Variants in RC3H2 observed in about 807,000 individuals in gnomAD.
RC3H2 encodes the protein roquin-2.
A neutral mutation model predicts 133.3 loss-of-function variants in RC3H2; 31 were observed. The observed-to-expected ratio is 0.23, with a 90% CI of 0.17 to 0.31. The LOEUF is 0.31. RC3H2 is among the 10% of genes least tolerant of loss of function. RC3H2 has a pLI of 1.00. For synonymous variants in RC3H2, 517 were observed against 502.2 expected (o/e 1.03, Z -0.40); for missense variants, 1,175 against 1,437.2 (o/e 0.82, Z 2.95).
chr9:122,855,948 A>C (rs1380962160), intron 13 of RC3H2, 70 bp from the exon 14 acceptor site: 2 of 1,277,088 alleles, frequency 1.6e-6, no homozygotes, highest in African/African-American at 1.5e-5. Flanking sequence ...ACTAATATAA[A>C]GTAACTATTA....
rs1285124955 is a variant in RC3H2 at position 122,846,795 on chromosome 9, T to A, written c.*2832A>T. The A allele has an allele frequency of 6.6e-6, 1 of 152,156 alleles. No individual in the cohort carries two copies. Among genetic ancestry groups the A allele is most frequent in the Non-Finnish European group, 1.5e-5 (1 of 68,006 alleles). 9.4% of individuals were successfully genotyped at this position (152,156 alleles called of 1,614,324 possible). On this transcript the variant is annotated 3_prime_UTR_variant, in exon 21 of 21. Coordinates refer to ENST00000357244, the MANE Select transcript of RC3H2 (RefSeq NM_001100588.3). ...CAAATGACGGGAAATGCCTCAATTT[T>A]AAAAAGTCATATCCTAGGTCTGATT...
Position 122,867,414 on chromosome 9 carries a change from G to A in RC3H2, c.1326-1757C>T, listed in dbSNP as rs1228105262. ...CTCCGTCCGGGAGGGAGGTTGGGGG[G>A]TCAGCACCCCGCCCGGCCAGCCACC... On this transcript the variant is annotated intron_variant, in intron 9 of 20. Coordinates refer to ENST00000357244, the MANE Select transcript of RC3H2 (RefSeq NM_001100588.3). 4.7e-4 allele frequency among the ~76,000 whole-genome samples: 68 copies of A among 144,852 alleles called. No individual in the cohort carries two copies. The East Asian group carries it at 0.012, about 25-fold the overall frequency.
rs1564322863 is a variant in RC3H2 at position 122,899,090 on chromosome 9, G to GGTTTTTTTTTTTTTT, written c.-67-1515_-67-1514insAAAAAAAAAAAAAAC. ...AAAAAATTCTATTAGCCTTTATTGT[G>GGTTTTTTTTTTTTTT]TTTTTTTTTTTTTTTTTTTTTTTTT... On this transcript the variant is annotated intron_variant, in intron 1 of 20. Coordinates refer to ENST00000357244, the MANE Select transcript of RC3H2 (RefSeq NM_001100588.3). Among the ~76,000 whole-genome samples, 6 of 88,410 alleles carry GGTTTTTTTTTTTTTT rather than the reference G, an allele frequency of 6.8e-5. 3 individuals are homozygous for GGTTTTTTTTTTTTTT. Among genetic ancestry groups the GGTTTTTTTTTTTTTT allele is most frequent in the African/African-American group, 9.6e-5 (2 of 20,762 alleles). 58.0% of individuals were successfully genotyped at this position (88,410 alleles called of 152,430 possible). A position where few individuals can be genotyped will look rare whatever the true frequency, so the allele number is the denominator to read the frequency against.
In RC3H2 at chr9:122,893,151, C is replaced by T. The variant is rs111683415; in HGVS notation, c.232-125G>A. 4.7e-6 allele frequency: 6 copies of T among 1,268,336 alleles called. No homozygotes were observed. The African/African-American group carries it at 7.5e-5, about 16-fold the overall frequency. The allele number at this position is 1,268,336 out of a possible 1,614,324, so 78.6% of individuals were successfully genotyped here. A position where few individuals can be genotyped will look rare whatever the true frequency, so the allele number is the denominator to read the frequency against. ...ATCATGCATAGATAATACATGAAAG[C>T]CATTTAAGTAAAATTAAAGTCAAAC... On this transcript the variant is annotated intron_variant, in intron 2 of 20. Transcript: ENST00000357244.
chr9:122,868,913 TG>T (rs1242700474), intron 9 of RC3H2, among the ~76,000 whole-genome samples: 11,886 of 84,850 alleles, frequency 0.14, 1,738 homozygotes, highest in East Asian at 0.52. Context: ...TTTTTTTTTT[TG>T]TGGGGGGGTT....
chr9:122,879,702 G>T, intron 8 of RC3H2, 53 bp downstream of exon 8: 1 of 1,190,432 alleles, frequency 8.4e-7, no homozygotes, highest in Admixed American at 2.1e-5. Flanking sequence ...AGATGTTCAG[G>T]ATGAAACTGA....
At position 122,890,292 on chromosome 9, in the gene RC3H2, AAGATAGTAAC is replaced by A. The variant is rs1191723613; in HGVS notation, c.583+10_583+19del. The A allele has an allele frequency of 1.2e-6, 2 of 1,603,662 alleles. No individual in the cohort carries two copies. The highest frequency in any genetic ancestry group is 2.7e-5 in the African/African-American group (2 of 74,646). On this transcript the variant is annotated intron_variant, in intron 4 of 20. Coordinates refer to ENST00000357244, the MANE Select transcript of RC3H2 (RefSeq NM_001100588.3). ...AGCCCCAATAGCTAATAAAAAAGGT[AAGATAGTAAC>A]CTATCTTACCTGGCCCTAAAAACTG...
In RC3H2 at chr9:122,854,071, A is replaced by G; in HGVS notation, c.2998T>C (p.Leu1000=). Residue 1000 remains leucine (L), a synonymous_variant, in exon 18 of 21, where the codon TTA becomes CTA. Transcript: ENST00000357244. ...GCATTGGCCTCTCTCTGAAGAAGTAATGAGTTGCTCTTGGCCTATATGAGG... is the reference window on the plus strand; with the variant it reads ...GCATTGGCCTCTCTCTGAAGAAGTAGTGAGTTGCTCTTGGCCTATATGAGG... ...LELQQAKSNS[L]LLQREANALA... The G allele has an allele frequency of 6.2e-7, 1 of 1,614,046 alleles. No homozygotes were observed. The highest frequency in any genetic ancestry group is 8.5e-7 in the Non-Finnish European group (1 of 1,180,038).
chr9:122,851,896 TG>T (rs1328354114), intron 18 of RC3H2, among the ~76,000 whole-genome samples: 2 of 152,326 alleles, frequency 1.3e-5, no homozygotes, highest in Admixed American at 1.3e-4. Flanking sequence ...AAGCCGAGAT[TG>T]CAGCCTCTGC....
Position 122,851,350 on chromosome 9 carries a change from T to C in RC3H2, c.3204A>G (p.Glu1068=). The C allele has an allele frequency of 1.9e-6, 3 of 1,614,178 alleles. No homozygotes were observed. Among genetic ancestry groups the C allele is most frequent in the South Asian group, 2.2e-5 (2 of 91,082 alleles). The change falls in exon 19 of 21, where the codon GAA becomes GAG. Residue 1068 remains glutamate (E), a synonymous_variant. Transcript: ENST00000357244. ...CAATTGGTTCACTTTGTCCATCAGGTTCATCAGTATCAAGTGCTGAAAGCT... is the reference window on the plus strand; with the variant it reads ...CAATTGGTTCACTTTGTCCATCAGGCTCATCAGTATCAAGTGCTGAAAGCT... ...ELELSALDTD[E]PDGQSEPIEE...
At chr9:122,883,446 G>C in intron 4 of RC3H2, 67 bp from the exon 5 acceptor site, 2 of 1,286,630 alleles carry the variant, frequency 1.6e-6, no homozygotes. Context: ...TGTGTCATAG[G>C]CATCTTTGGG....
intron 10 of RC3H2, among the ~76,000 whole-genome samples, chr9:122,862,371 C>T (rs1830489497): frequency 6.6e-6 from 1 of 152,190 alleles, no homozygotes; most frequent in Admixed American, 6.5e-5. Context: ...GGATTCTAGG[C>T]TCTCCTCCAT....
intron 4 of RC3H2, among the ~76,000 whole-genome samples, chr9:122,884,821 C>T (rs1831831737): frequency 6.6e-6 from 1 of 151,310 alleles, no homozygotes; most frequent in South Asian, 2.1e-4. Context: ...CCACTGCACT[C>T]CAGCCTGGCG....
At chr9:122,863,303 A>G (rs1257577027) in intron 10 of RC3H2, among the ~76,000 whole-genome samples, 2 of 152,150 alleles carry the variant, frequency 1.3e-5, no homozygotes, top group African/African-American at 4.8e-5. Flanking sequence ...AGTTTTACAA[A>G]ATTTTCTTGC....
intron 14 of RC3H2, 59 bp downstream of exon 14, chr9:122,855,673 C>T: frequency 6.5e-7 from 1 of 1,537,522 alleles, no homozygotes; most frequent in Non-Finnish European, 8.8e-7. Context: ...CATTCTACAA[C>T]ATGAGTGAAC....
Position 122,858,061 on chromosome 9 carries a change from C to T in RC3H2, c.2316G>A (p.Glu772=), listed in dbSNP as rs1021346520. ...EPCGHLKTSC[E]EQIRRKPDQW... is the part of the protein sequence containing the mutation. ...GATCTGGCTTTCTTCTTATCTGCTC[C>T]TCGCAACTGGTCTTCAAATGACCAC... The change falls in exon 13 of 21, where the codon GAG becomes GAA. Residue 772 remains glutamate (E), a synonymous_variant. Transcript: ENST00000357244. 1.9e-6 allele frequency: 3 copies of T among 1,614,190 alleles called. No individual in the cohort carries two copies.
At chr9:122,859,491 G>A (rs930412192) in intron 11 of RC3H2, among the ~76,000 whole-genome samples, 8 of 151,926 alleles carry the variant, frequency 5.3e-5, no homozygotes, top group African/African-American at 1.2e-4. Context: ...ATTAACAGAC[G>A]GATGGTAAAT....
At chr9:122,856,076 C>G (rs959194635) in intron 13 of RC3H2, among the ~76,000 whole-genome samples, 198 bp from the exon 14 acceptor site, 4 of 152,022 alleles carry the variant, frequency 2.6e-5, no homozygotes, top group Non-Finnish European at 5.9e-5. Context: ...TCCCTTTTCA[C>G]TTTGTCCTTT....
chr9:122,866,750 C>T (rs1343063236), intron 9 of RC3H2, among the ~76,000 whole-genome samples: 4 of 152,272 alleles, frequency 2.6e-5, no homozygotes, highest in East Asian at 1.9e-4. Context: ...GATCTCAGCT[C>T]GCTACAACCT....
Sources: gnomAD v4.1 joint callset for allele counts (sites outside exome capture counted in the v4.1 genomes callset) on GRCh38, gnomAD v4.1.1 for gene constraint, MANE v1.5 for transcripts, NCBI Gene and HGNC (gene_info 2026-07-23, HGNC 2026-07-21) for gene names.